Variants in RPH3A observed in about 807,000 individuals in gnomAD.
RPH3A encodes rabphilin-3A.
Under a neutral mutation model 102.2 loss-of-function variants are expected in RPH3A, and 48 were observed. The observed-to-expected ratio is 0.47, with a 90% CI of 0.37 to 0.60. The LOEUF (loss-of-function observed/expected upper bound fraction) is 0.60, where lower values mean the gene tolerates loss of function less well. Among genes scored for constraint, RPH3A ranks in the 20% least tolerant of loss-of-function variants. The pLI, the probability that RPH3A is intolerant of heterozygous loss-of-function variation, is 0.00. For missense variants in RPH3A, 781 were observed against 910.1 expected (o/e 0.86, Z 1.83); for synonymous variants, 310 against 324.3 (o/e 0.96, Z 0.47).
intron 1 of RPH3A, among the ~76,000 whole-genome samples, chr12:112,627,339 CATT>C (rs960691919): frequency 3.8e-4 from 56 of 148,870 alleles, no homozygotes; most frequent in Non-Finnish European, 5.5e-4. Context: ...TATTACCTGT[CATT>C]ATGTACTATA....
chr12:112,677,061 T>C (rs1440073686), intron 1 of RPH3A, among the ~76,000 whole-genome samples: 2 of 152,184 alleles, frequency 1.3e-5, no homozygotes, highest in African/African-American at 4.8e-5. Flanking sequence ...AGAGCTTCTT[T>C]ATGGATCTGT....
intron 1 of RPH3A, among the ~76,000 whole-genome samples, chr12:112,642,542 C>T (rs561671802): frequency 1.3e-5 from 2 of 152,278 alleles, no homozygotes; most frequent in African/African-American, 4.8e-5. Context: ...CAATTCTATA[C>T]AATCAGTATG....
At chr12:112,892,798 T>C (rs1316527384) in intron 19 of RPH3A, 2 of 152,112 alleles carry the variant, frequency 1.3e-5, no homozygotes, top group African/African-American at 4.8e-5. Flanking sequence ...TTTACTAATA[T>C]CCCCTCCAGT....
chr12:112,793,815 C>T (rs1159476643), intron 2 of RPH3A, among the ~76,000 whole-genome samples: 1 of 151,968 alleles, frequency 6.6e-6, no homozygotes, highest in Non-Finnish European at 1.5e-5. Context: ...TAGGGGGCCC[C>T]TGCTGTACTG....
chr12:112,694,645 C>T (rs1255051280), intron 1 of RPH3A, among the ~76,000 whole-genome samples: 1 of 109,884 alleles, frequency 9.1e-6, no homozygotes, highest in African/African-American at 3.6e-5. Flanking sequence ...CGCGCGCGCG[C>T]ACACGCACAC....
chr12:112,628,411 T>C (rs901044411), intron 1 of RPH3A, among the ~76,000 whole-genome samples: 5 of 151,192 alleles, frequency 3.3e-5, no homozygotes, highest in Non-Finnish European at 5.9e-5. Flanking sequence ...GGGAAGAGCC[T>C]TGGAGCCACT....
At chr12:112,653,261 TC>T (rs905647122) in intron 1 of RPH3A, among the ~76,000 whole-genome samples, 1 of 149,376 alleles carries the variant, frequency 6.7e-6, no homozygotes, top group Non-Finnish European at 1.5e-5. Flanking sequence ...TCCCAGCTAC[TC>T]AAGAGGCTGA....
intron 1 of RPH3A, among the ~76,000 whole-genome samples, chr12:112,723,940 A>G (rs574689302): frequency 1.3e-5 from 2 of 152,262 alleles, no homozygotes; most frequent in East Asian, 3.9e-4. Context: ...TAAGTTCTAA[A>G]TTTGTGTAAT....
At chr12:112,777,565 G>C (rs939493260) in intron 1 of RPH3A, among the ~76,000 whole-genome samples, 1 of 152,180 alleles carries the variant, frequency 6.6e-6, no homozygotes, top group East Asian at 1.9e-4. Flanking sequence ...GCCAGAGATG[G>C]AGATACCTCT....
intron 1 of RPH3A, among the ~76,000 whole-genome samples, chr12:112,772,100 A>G (rs2040930833): frequency 6.6e-6 from 1 of 152,230 alleles, no homozygotes; most frequent in African/African-American, 2.4e-5. Flanking sequence ...AAAATAAAAA[A>G]GAAAATTCCT....
intron 1 of RPH3A, among the ~76,000 whole-genome samples, chr12:112,662,727 T>C (rs1444521617): frequency 6.7e-6 from 1 of 149,550 alleles, no homozygotes; most frequent in African/African-American, 2.5e-5. Context: ...AATATATAAC[T>C]GAATGGGTGT....
At chr12:112,599,911 T>G (rs1194997247) in intron 1 of RPH3A, among the ~76,000 whole-genome samples, 1 of 152,198 alleles carries the variant, frequency 6.6e-6, no homozygotes, top group African/African-American at 2.4e-5. Context: ...TGACTTCAGA[T>G]AAGTGGCTTC....
intron 1 of RPH3A, among the ~76,000 whole-genome samples, chr12:112,710,120 G>T (rs985249876): frequency 1.3e-5 from 2 of 151,714 alleles, no homozygotes; most frequent in South Asian, 4.2e-4. Flanking sequence ...GACTACAGGC[G>T]CCCGCCACTA....
rs779611643 is a variant in RPH3A at position 112,891,013 on chromosome 12, T to C, written c.1775+10T>C. The stretch of plus-strand genomic sequence containing the variant: ...ACCCATTCGTCAAGCTGTAAGTCAA[T>C]GCCTTGGGGCTACAGGTGGGCCCTG... On this transcript the variant is annotated intron_variant, in intron 19 of 21. Transcript: ENST00000389385. 2.5e-6 allele frequency: 4 copies of C among 1,614,052 alleles called. No individual in the cohort carries two copies. The highest frequency in any genetic ancestry group is 2.2e-5 in the South Asian group (2 of 91,054).
At chr12:112,621,383 T>C (rs528933276) in intron 1 of RPH3A, among the ~76,000 whole-genome samples, 24 of 149,728 alleles carry the variant, frequency 1.6e-4, no homozygotes, top group Non-Finnish European at 2.7e-4. Flanking sequence ...GGGCGAGGCA[T>C]TGCCTCACCT....
intron 2 of RPH3A, among the ~76,000 whole-genome samples, chr12:112,805,525 G>A (rs555413405): frequency 1.1e-4 from 17 of 152,304 alleles, no homozygotes; most frequent in African/African-American, 3.1e-4. Context: ...CTCTGCACCC[G>A]CAGAGGTGCC....
intron 1 of RPH3A, among the ~76,000 whole-genome samples, chr12:112,781,548 T>C (rs2041007548): frequency 6.6e-6 from 1 of 152,194 alleles, no homozygotes; most frequent in Non-Finnish European, 1.5e-5. Context: ...TGAATTTCTC[T>C]CTATTCAGTT....
intron 1 of RPH3A, among the ~76,000 whole-genome samples, chr12:112,700,701 A>G (rs1004764833): frequency 1.3e-4 from 20 of 152,190 alleles, no homozygotes; most frequent in Admixed American, 1.3e-4. Flanking sequence ...CTACACTTAC[A>G]CCTTTGGATT....
intron 1 of RPH3A, among the ~76,000 whole-genome samples, chr12:112,672,040 A>T (rs2040135696): frequency 6.7e-6 from 1 of 149,396 alleles, no homozygotes; most frequent in African/African-American, 2.5e-5. Flanking sequence ...ATATATATTT[A>T]TATATATATA....
Sources: allele counts gnomAD v4.1 joint callset (sites outside exome capture counted in the v4.1 genomes callset), GRCh38; gene constraint gnomAD v4.1.1; transcripts MANE v1.5; gene names NCBI Gene and HGNC (gene_info 2026-07-23, HGNC 2026-07-21).